Variants in CLEC1A observed in about 807,000 individuals in gnomAD.
The protein encoded by CLEC1A is C-type lectin domain family 1 member A.
In CLEC1A, 34 loss-of-function variants were observed where a neutral mutation model predicts 28.7. The ratio of observed to expected loss-of-function variants is 1.18; its 90% confidence interval spans 0.90 to 1.57. The LOEUF is 1.57. Among genes scored for constraint, CLEC1A ranks in the 40% most tolerant of loss-of-function variants. The pLI is 0.00. For missense variants in CLEC1A, 385 were observed against 339.5 expected (o/e 1.13, Z -1.05); for synonymous variants, 116 against 121.0 (o/e 0.96, Z 0.27).
intron 5 of CLEC1A, among the ~76,000 whole-genome samples, chr12:10,072,287 C>T (rs1251542386): frequency 6.6e-6 from 1 of 152,178 alleles, no homozygotes; most frequent in Non-Finnish European, 1.5e-5. Flanking sequence ...CAAGCAGATG[C>T]TTGTACAGCC....
Position 10,071,518 on chromosome 12 carries a change from A to C in CLEC1A, c.663-5T>G, listed in dbSNP as rs757368915. 3 of 1,575,240 alleles carry C rather than the reference A, an allele frequency of 1.9e-6. No individual in the cohort carries two copies. The highest frequency in any genetic ancestry group is 2.6e-6 in the Non-Finnish European group (3 of 1,162,726). The stretch of plus-strand genomic sequence containing the variant: ...ACATCTATTATAATATGGAACCTTA[A>C]GAAAGGAAGAAAAAGTAAATTCAAT... On this transcript the variant is annotated splice_polypyrimidine_tract_variant and splice_region_variant and intron_variant, in intron 5 of 5. Coordinates refer to ENST00000315330, the MANE Select transcript of CLEC1A (RefSeq NM_016511.4).
At chr12:10,085,987 C>T (rs948599775) in intron 2 of CLEC1A, among the ~76,000 whole-genome samples, 2 of 152,114 alleles carry the variant, frequency 1.3e-5, no homozygotes, top group African/African-American at 4.8e-5. Context: ...ATCAAGTATT[C>T]TCTCAAAGCA....
chr12:10,077,943 C>T (rs535714331), intron 3 of CLEC1A, among the ~76,000 whole-genome samples: 2 of 152,252 alleles, frequency 1.3e-5, no homozygotes, highest in South Asian at 2.1e-4. Flanking sequence ...TCCTTTCACT[C>T]GACCACATCT....
intron 1 of CLEC1A, among the ~76,000 whole-genome samples, chr12:10,093,544 A>T (rs1947736867): frequency 6.6e-6 from 1 of 151,914 alleles, no homozygotes. Flanking sequence ...AGAGAGGGAA[A>T]ATTTTGTTTT....
intron 4 of CLEC1A, among the ~76,000 whole-genome samples, chr12:10,073,930 G>A (rs988548680): frequency 3.3e-5 from 5 of 152,198 alleles, no homozygotes; most frequent in African/African-American, 4.8e-5. Flanking sequence ...AAATATTTAT[G>A]TGCACACATG....
chr12:10,077,291 G>A (rs1456797011), intron 3 of CLEC1A, among the ~76,000 whole-genome samples: 1 of 152,092 alleles, frequency 6.6e-6, no homozygotes, highest in Non-Finnish European at 1.5e-5. Flanking sequence ...ATACAGATTA[G>A]AAGAAATTCA....
intron 2 of CLEC1A, among the ~76,000 whole-genome samples, chr12:10,088,200 A>G (rs571943100): frequency 2.6e-5 from 4 of 152,364 alleles, no homozygotes; most frequent in African/African-American, 4.8e-5. Flanking sequence ...ACATCTAAGT[A>G]TAGAAATCCC....
chr12:10,082,657 T>C (rs1866396473), intron 2 of CLEC1A, among the ~76,000 whole-genome samples: 1 of 152,230 alleles, frequency 6.6e-6, no homozygotes, highest in African/African-American at 2.4e-5. Flanking sequence ...ATACTCATCC[T>C]GGCAAACTTA....
chr12:10,086,567 T>G (rs1011228887), intron 2 of CLEC1A, among the ~76,000 whole-genome samples: 1 of 152,044 alleles, frequency 6.6e-6, no homozygotes, highest in Non-Finnish European at 1.5e-5. Context: ...AGGGGATAGA[T>G]AAATTCCTGG....
intron 1 of CLEC1A, 55 bp downstream of exon 1, chr12:10,098,753 A>T (rs906482195): frequency 3.4e-5 from 38 of 1,107,194 alleles, no homozygotes; most frequent in Non-Finnish European, 5.0e-5. Context: ...GGGATAGATC[A>T]TCTCACACAT....
At chr12:10,093,107 A>C (rs1013438855) in intron 1 of CLEC1A, among the ~76,000 whole-genome samples, 1 of 152,072 alleles carries the variant, frequency 6.6e-6, no homozygotes, top group Non-Finnish European at 1.5e-5. Flanking sequence ...TTTTTCTTCT[A>C]ACTGTGAGTC....
chr12:10,083,629 T>C (rs1460394646), intron 2 of CLEC1A, among the ~76,000 whole-genome samples: 1 of 152,114 alleles, frequency 6.6e-6, no homozygotes, highest in Non-Finnish European at 1.5e-5. Flanking sequence ...CCCACCACCA[T>C]GTCTCTCTAA....
intron 1 of CLEC1A, among the ~76,000 whole-genome samples, chr12:10,093,373 GA>G (rs3052137): frequency 0.012 from 1,625 of 130,696 alleles, 37 homozygotes; most frequent in African/African-American, 0.042. Context: ...GATATATATA[GA>G]AAAAAAAAAA....
intron 2 of CLEC1A, among the ~76,000 whole-genome samples, chr12:10,081,929 G>A (rs1866379691): frequency 6.6e-6 from 1 of 152,180 alleles, no homozygotes; most frequent in East Asian, 1.9e-4. Context: ...AATGGATGTA[G>A]GGAGCCAAAT....
intron 1 of CLEC1A, among the ~76,000 whole-genome samples, chr12:10,095,808 C>G (rs963752214): frequency 6.6e-6 from 1 of 152,128 alleles, no homozygotes; most frequent in Non-Finnish European, 1.5e-5. Flanking sequence ...TTCCATTACT[C>G]TTGAATTTAT....
Position 10,081,299 on chromosome 12 carries a change from A to G in CLEC1A, c.329T>C (p.Leu110Pro). ...AGCCACATGCTGCAGACTTCCTGCA[A>G]GCTTTATATTCTGGACTTGAAGAGA... is the stretch of plus-strand genomic sequence containing the variant. ...LQSLQVQNIK[L>P]AGSLQHVAEK... The change falls in exon 3 of 6, where the codon CTT becomes CCT. Residue 110 changes from leucine (L) to proline (P), a missense_variant. Physicochemically the swap from Leu to Pro is moderately conservative, Grantham distance 98. Transcript: ENST00000315330. The G allele has an allele frequency of 6.2e-7, 1 of 1,613,066 alleles. No homozygotes were observed. The highest frequency in any genetic ancestry group is 1.1e-5 in the South Asian group (1 of 90,892).
In CLEC1A at chr12:10,081,323, G is replaced by C. The variant is rs1046699071; in HGVS notation, c.305C>G (p.Ser102Cys). The stretch of plus-strand genomic sequence containing the variant: ...AAGCTTTATATTCTGGACTTGAAGA[G>C]ATTGCAACTCTTGGGACGTATTTCC... ...RLGNTSQELQSLQVQNIKLAG... is the reference protein window; with the variant it reads ...RLGNTSQELQCLQVQNIKLAG... Residue 102 changes from serine to cysteine, a missense_variant, in exon 3 of 6, where the codon TCT becomes TGT. Physicochemically the swap from Ser to Cys is moderately radical, Grantham distance 112 (BLOSUM62 -1). Coordinates refer to ENST00000315330, the MANE Select transcript of CLEC1A (RefSeq NM_016511.4). 10 of 1,613,372 alleles carry C rather than the reference G, an allele frequency of 6.2e-6. No individual in the cohort carries two copies. Among genetic ancestry groups the C allele is most frequent in the African/African-American group, 1.3e-5 (1 of 74,834 alleles).
At chr12:10,098,023 A>G in intron 1 of CLEC1A, among the ~76,000 whole-genome samples, 1 of 151,096 alleles carries the variant, frequency 6.6e-6, no homozygotes, top group East Asian at 1.9e-4. Context: ...AAGGAAAACT[A>G]AAAGTTATTT....
chr12:10,092,338 C>G (rs1236260601), intron 1 of CLEC1A: 1 of 265,966 alleles, frequency 3.8e-6, no homozygotes, highest in Non-Finnish European at 7.7e-6. Flanking sequence ...TAGTGAGATC[C>G]CATCTCTACA....
Sources: allele counts gnomAD v4.1 joint callset (sites outside exome capture counted in the v4.1 genomes callset), GRCh38; gene constraint gnomAD v4.1.1; transcripts MANE v1.5; gene names NCBI Gene and HGNC (gene_info 2026-07-23, HGNC 2026-07-21).